The following DOP1B variants were observed in gnomAD, a reference collection of about 807,000 sequenced individuals.
DOP1B encodes protein DOP1B.
Under a neutral mutation model 233.5 loss-of-function variants are expected in DOP1B, and 174 were observed. That is an observed-to-expected ratio of 0.75 (90% CI 0.66 to 0.85). DOP1B has a LOEUF of 0.85. Ranked by LOEUF, DOP1B falls within the 40% of genes least tolerant of loss-of-function variation. The probability of loss-of-function intolerance (pLI) is 0.00; values close to 1 mark genes in which losing one functional copy is unlikely to be tolerated. For synonymous variants in DOP1B, 1,190 were observed against 1,185.6 expected, an observed-to-expected ratio of 1.00 and a Z score of -0.08; for missense variants, 2,652 against 2,846.6, an observed-to-expected ratio of 0.93 and a Z score of 1.56.
intron 1 of DOP1B, among the ~76,000 whole-genome samples, chr21:36,157,702 A>T (rs1356075830): frequency 1.3e-5 from 2 of 152,224 alleles, no homozygotes; most frequent in Admixed American, 1.3e-4. Context: ...ACCACATTCA[A>T]AACAGTGTGT....
At position 36,263,307 on chromosome 21, in the gene DOP1B, A is replaced by C. The variant is rs141365571; in HGVS notation, c.5316-239A>C. ...AATTTAAGGCTTTTATTTTAGAGAC[A>C]AAGAAACCAGGAGTATCTCACCTGC... is the stretch of plus-strand genomic sequence containing the variant. On this transcript the variant is annotated intron_variant, in intron 24 of 36. Transcript: ENST00000691173. 2.4e-4 allele frequency among the ~76,000 whole-genome samples: 36 copies of C among 151,834 alleles called. No homozygotes were observed. In the East Asian group the frequency reaches 6.6e-3, roughly 28 times the overall value.
At chr21:36,159,383 G>A (rs1156999899) in intron 1 of DOP1B, among the ~76,000 whole-genome samples, 3 of 152,134 alleles carry the variant, frequency 2.0e-5, no homozygotes, top group Non-Finnish European at 4.4e-5. Flanking sequence ...CTCAGGAGGC[G>A]GAGGTTGTGG....
intron 30 of DOP1B, among the ~76,000 whole-genome samples, chr21:36,278,987 C>A (rs2284641): frequency 6.6e-6 from 1 of 151,800 alleles, no homozygotes; most frequent in Non-Finnish European, 1.5e-5. Context: ...ACTGGGTGAC[C>A]CTGGGGGTGT....
intron 24 of DOP1B, among the ~76,000 whole-genome samples, chr21:36,263,123 A>G (rs942460956): frequency 9.4e-5 from 14 of 149,680 alleles, no homozygotes; most frequent in Non-Finnish European, 1.8e-4. Flanking sequence ...AATCCCAGCT[A>G]TTCGGGAGGC....
At chr21:36,228,929 C>T (rs891710031) in intron 13 of DOP1B, among the ~76,000 whole-genome samples, 9 of 152,116 alleles carry the variant, frequency 5.9e-5, no homozygotes, top group Non-Finnish European at 1.0e-4. Flanking sequence ...CATGATTGCA[C>T]GGCTGCACTC....
In DOP1B at chr21:36,246,671, C is replaced by G. The variant is rs1257223292; in HGVS notation, c.4691C>G (p.Ser1564Cys). The G allele has an allele frequency of 1.9e-6, 3 of 1,608,662 alleles. No individual in the cohort carries two copies. The highest frequency in any genetic ancestry group is 1.7e-6 in the Non-Finnish European group (2 of 1,175,720). Reference sequence around the variant, plus strand: ...TATGAAAGCGAATCTGTGAAGCTCTCTGTCAGGTGCGTTACGCTCCTTGTG... The same window carrying G: ...TATGAAAGCGAATCTGTGAAGCTCTGTGTCAGGTGCGTTACGCTCCTTGTG... Reference protein sequence around the residue: ...KQYESESVKLSVSTTSKRENI... With the variant: ...KQYESESVKLCVSTTSKRENI... Residue 1564 changes from serine (S) to cysteine (C), a missense_variant, in exon 19 of 37, where the codon TCT becomes TGT. Physicochemically the swap from Ser to Cys is moderately radical, Grantham distance 112 (BLOSUM62 -1). Coordinates refer to ENST00000691173, the MANE Select transcript of DOP1B (RefSeq NM_001320714.2). The surrounding 1 kb of genome is among the most constrained non-coding windows in gnomAD (Gnocchi z 5.1).
At chr21:36,286,077 C>A (rs1249005615) in intron 32 of DOP1B, among the ~76,000 whole-genome samples, 1 of 151,704 alleles carries the variant, frequency 6.6e-6, no homozygotes, top group Non-Finnish European at 1.5e-5. Context: ...CGTTTGGGGT[C>A]CTTTTCCCCG....
chr21:36,287,517 G>T (rs1463287404), intron 32 of DOP1B, among the ~76,000 whole-genome samples: 1 of 150,886 alleles, frequency 6.6e-6, no homozygotes, highest in African/African-American at 2.4e-5. Flanking sequence ...GCCATGAACT[G>T]CTGTATTTCA....
At chr21:36,186,042 A>C (rs2123442016) in intron 2 of DOP1B, among the ~76,000 whole-genome samples, 1 of 152,242 alleles carries the variant, frequency 6.6e-6, no homozygotes, top group Admixed American at 6.5e-5. Flanking sequence ...GTTTCTACTA[A>C]AAATACAAAA....
intron 18 of DOP1B, among the ~76,000 whole-genome samples, chr21:36,243,435 A>G (rs757793617): frequency 6.6e-5 from 10 of 151,212 alleles, no homozygotes; most frequent in Non-Finnish European, 2.9e-5. Context: ...AAAGACTTCA[A>G]TATTTTAAAG....
At chr21:36,210,858 C>T (rs936363113) in intron 5 of DOP1B, among the ~76,000 whole-genome samples, 4 of 152,204 alleles carry the variant, frequency 2.6e-5, no homozygotes, top group Admixed American at 2.6e-4. Context: ...TTGCCAACAG[C>T]TATAGTCCAA....
Position 36,245,836 on chromosome 21 carries a change from C to T in DOP1B, c.3856C>T (p.Gln1286Ter). The change falls in exon 19 of 37, where the codon CAG becomes TAG. Residue 1286 changes from glutamine (Q) to a stop codon, truncating the protein, a stop_gained. Transcript: ENST00000691173. LOFTEE classifies it high-confidence loss of function. The surrounding 1 kb of genome is among the most constrained non-coding windows in gnomAD (Gnocchi z 5.5). ...NLISNLLARH[Q>*]EALIGQSFYG... ...CATCTCCAACCTCCTCGCTCGCCAC[C>T]AGGAGGCCCTCATTGGCCAGAGTTT... The T allele has an allele frequency of 6.2e-7, 1 of 1,614,010 alleles. No individual in the cohort carries two copies.
chr21:36,242,600 A>G (rs112181081), intron 18 of DOP1B, among the ~76,000 whole-genome samples: 5,122 of 152,182 alleles, frequency 0.034, 283 homozygotes, highest in African/African-American at 0.12. Context: ...GGCATGAGCT[A>G]CTACGCCTGG....
chr21:36,225,673 T>A lies in DOP1B; in HGVS notation c.1473+6T>A. 6.2e-7 allele frequency: 1 copy of A among 1,614,008 alleles called. No homozygotes were observed. The highest frequency in any genetic ancestry group is 8.5e-7 in the Non-Finnish European group (1 of 1,179,962). On this transcript the variant is annotated splice_donor_region_variant and intron_variant, in intron 12 of 36. Coordinates refer to ENST00000691173, the MANE Select transcript of DOP1B (RefSeq NM_001320714.2). The stretch of plus-strand genomic sequence containing the variant: ...TGCTGGATGTCATTCCTTTGGTGAG[T>A]GCTGGGGAAGGGACATCTCAACGCC...
chr21:36,293,060 G>T (rs2067577175), intron 36 of DOP1B, among the ~76,000 whole-genome samples: 1 of 151,996 alleles, frequency 6.6e-6, no homozygotes, highest in African/African-American at 2.4e-5. Context: ...ACAAAAATTA[G>T]CTGGTCATGG....
In DOP1B at chr21:36,208,769, C is replaced by T; in HGVS notation, c.546C>T (p.Tyr182=). Residue 182 remains tyrosine, a synonymous_variant, in exon 5 of 37, where the codon TAC becomes TAT. Coordinates refer to ENST00000691173, the MANE Select transcript of DOP1B (RefSeq NM_001320714.2). The stretch of plus-strand genomic sequence containing the variant: ...TGGTGGTTGGCAAAGAGGTGTTTTA[C>T]ACCGCCCTCTGGGGGAGCGTCCTGG... ...LSLVVGKEVF[Y]TALWGSVLAS... is the part of the protein sequence containing the mutation. 6.2e-7 allele frequency: 1 copy of T among 1,613,550 alleles called. No individual in the cohort carries two copies. The highest frequency in any genetic ancestry group is 8.5e-7 in the Non-Finnish European group (1 of 1,179,758).
intron 5 of DOP1B, among the ~76,000 whole-genome samples, chr21:36,209,493 C>T (rs1178101041): frequency 6.6e-6 from 1 of 152,228 alleles, no homozygotes; most frequent in Non-Finnish European, 1.5e-5. Context: ...GGCGCTCAGA[C>T]GGCCTCTGCA....
intron 2 of DOP1B, among the ~76,000 whole-genome samples, chr21:36,168,491 C>A (rs2065937590): frequency 6.6e-6 from 1 of 151,910 alleles, no homozygotes. Context: ...AAAAGCAATG[C>A]GTGAGTGTTC....
intron 2 of DOP1B, among the ~76,000 whole-genome samples, chr21:36,190,399 C>CT (rs949922209): frequency 1.6e-4 from 23 of 145,726 alleles, no homozygotes; most frequent in Non-Finnish European, 2.3e-4. Context: ...TCATCTCTTT[C>CT]TTTTTTTTTT....
Sources: gnomAD v4.1 joint callset for allele counts (sites outside exome capture counted in the v4.1 genomes callset) on GRCh38, gnomAD v4.1.1 for gene constraint, Gnocchi (gnomAD v3.1) non-coding constraint, MANE v1.5 for transcripts, NCBI Gene and HGNC (gene_info 2026-07-23, HGNC 2026-07-21) for gene names.